Variants in RABEP1 observed in about 807,000 individuals in gnomAD.
RABEP1 encodes the protein rabaptin, RAB GTPase binding effector protein 1.
A neutral mutation model predicts 123.4 loss-of-function variants in RABEP1; 51 were observed. The observed-to-expected ratio is 0.41, with a 90% CI of 0.33 to 0.52. The LOEUF is 0.52. RABEP1 is among the 20% of genes least tolerant of loss of function. RABEP1 has a pLI of 0.16. For synonymous variants in RABEP1, 347 were observed against 355.2 expected, an observed-to-expected ratio of 0.98 and a Z score of 0.26; for missense variants, 888 against 996.3, an observed-to-expected ratio of 0.89 and a Z score of 1.46.
Position 5,375,323 on chromosome 17 carries a change from C to T in RABEP1, c.2026-1793C>T, listed in dbSNP as rs753436797. Among the ~76,000 whole-genome samples the T allele has an allele frequency of 1.9e-4, 29 of 152,234 alleles. 1 individual carries two copies. The highest frequency in any genetic ancestry group is 1.9e-4 in the Non-Finnish European group (13 of 68,016). On this transcript the variant is annotated intron_variant, in intron 13 of 17. Coordinates refer to ENST00000537505, the MANE Select transcript of RABEP1 (RefSeq NM_004703.6). ...CTCCCACCTTTCCCCAACTTCTTAT[C>T]GTCTCAGCTCATGTTACAGGCACTC...
In RABEP1 at chr17:5,308,730, T is replaced by A; in HGVS notation, c.71T>A (p.Ile24Asn). ...CAACGGGTAGCAGAATTGGAAAAAA[T>A]TAATGCAGAATTTTTACGTGCACAA... ...LQQRVAELEK[I>N]NAEFLRAQQQ... Residue 24 changes from isoleucine (I) to asparagine (N), a missense_variant, in exon 2 of 18, where the codon ATT (isoleucine) becomes AAT (asparagine). Coordinates refer to ENST00000537505, the MANE Select transcript of RABEP1 (RefSeq NM_004703.6). 1 of 1,612,740 alleles carries A rather than the reference T, an allele frequency of 6.2e-7. No homozygotes were observed. Among genetic ancestry groups the A allele is most frequent in the Non-Finnish European group, 8.5e-7 (1 of 1,179,514 alleles).
Position 5,335,127 on chromosome 17 carries a change from C to A in RABEP1, c.368-57C>A, listed in dbSNP as rs1307375416. The A allele has an allele frequency of 4.2e-6, 6 of 1,424,848 alleles. No homozygotes were observed. The South Asian group carries it at 4.4e-5, about 11-fold the overall frequency. The allele number at this position is 1,424,848 out of a possible 1,614,324, so 88.3% of individuals were successfully genotyped here. On this transcript the variant is annotated intron_variant, in intron 3 of 17. Coordinates refer to ENST00000537505, the MANE Select transcript of RABEP1 (RefSeq NM_004703.6). ...ATATAACTTTAAAAAATTTAGTGTG[C>A]CAGGTTATTTTTTTTTCATAATGCT...
At chr17:5,366,963 C>T (rs1910049952) in intron 11 of RABEP1, among the ~76,000 whole-genome samples, 1 of 151,350 alleles carries the variant, frequency 6.6e-6, no homozygotes, top group Admixed American at 6.6e-5. Flanking sequence ...TCGGCGCATT[C>T]CTGTAATCCC....
chr17:5,298,725 A>T (rs567470257), intron 1 of RABEP1, among the ~76,000 whole-genome samples: 10 of 147,402 alleles, frequency 6.8e-5, no homozygotes, highest in African/African-American at 2.3e-4. Flanking sequence ...GCGAGATCTC[A>T]GCTCACTGTA....
chr17:5,365,984 G>A (rs1909970214), intron 11 of RABEP1, among the ~76,000 whole-genome samples: 1 of 152,136 alleles, frequency 6.6e-6, no homozygotes, highest in Non-Finnish European at 1.5e-5. Context: ...TGAAATTTTT[G>A]TATAGGGCGT....
chr17:5,299,731 C>CTTTTTTTTTTTT (rs1171650180), intron 1 of RABEP1, among the ~76,000 whole-genome samples: 13 of 96,866 alleles, frequency 1.3e-4, no homozygotes, highest in African/African-American at 1.8e-4. Flanking sequence ...TTTTCTTTTT[C>CTTTTTTTTTTTT]TTTTTTTTTT....
At chr17:5,297,529 C>A (rs1274220569) in intron 1 of RABEP1, among the ~76,000 whole-genome samples, 1 of 152,166 alleles carries the variant, frequency 6.6e-6, no homozygotes, top group South Asian at 2.1e-4. Context: ...GTGTTTGAAT[C>A]CAGCTCTGCT....
intron 12 of RABEP1, among the ~76,000 whole-genome samples, chr17:5,372,758 A>T (rs1439247594): frequency 1.5e-5 from 2 of 134,068 alleles, no homozygotes; most frequent in African/African-American, 5.5e-5. Context: ...GGAAAATATT[A>T]ATTTTTTTTT....
intron 8 of RABEP1, among the ~76,000 whole-genome samples, chr17:5,357,312 C>A (rs1385465718): frequency 6.6e-6 from 1 of 152,166 alleles, no homozygotes; most frequent in Non-Finnish European, 1.5e-5. Context: ...TAGTGGCTGA[C>A]AGAATTTCAG....
At position 5,308,802 on chromosome 17, in the gene RABEP1, A is replaced by G. The variant is rs2075206414; in HGVS notation, c.143A>G (p.Glu48Gly). The change falls in exon 2 of 18, where the codon GAG (glutamate) becomes GGG (glycine). Residue 48 changes from glutamate to glycine, a missense_variant. Glu to Gly is a moderately conservative substitution (Grantham distance 98, BLOSUM62 -2). Coordinates refer to ENST00000537505, the MANE Select transcript of RABEP1 (RefSeq NM_004703.6). ...AATCAAAAGAGAGCAAAATTTAAGG[A>G]GTTATATTTGGCTAAAGAGGGTAAG... ...EFNQKRAKFKELYLAKEEDLK... is the reference protein window; with the variant it reads ...EFNQKRAKFKGLYLAKEEDLK... 1.2e-6 allele frequency: 2 copies of G among 1,609,670 alleles called. No individual in the cohort carries two copies. The highest frequency in any genetic ancestry group is 1.7e-6 in the Non-Finnish European group (2 of 1,177,096).
chr17:5,320,576 G>C (rs2075345627), intron 2 of RABEP1, among the ~76,000 whole-genome samples: 1 of 152,174 alleles, frequency 6.6e-6, no homozygotes, highest in African/African-American at 2.4e-5. Context: ...AGCCTATTCA[G>C]AGATAGGTAA....
At chr17:5,291,955 A>G (rs1283762011) in intron 1 of RABEP1, among the ~76,000 whole-genome samples, 1 of 152,152 alleles carries the variant, frequency 6.6e-6, no homozygotes, top group Non-Finnish European at 1.5e-5. Flanking sequence ...TTTTCCTATT[A>G]CTGCCAGTTT....
intron 12 of RABEP1, among the ~76,000 whole-genome samples, 197 bp from the exon 13 acceptor site, chr17:5,373,117 C>T (rs1455274256): frequency 1.3e-5 from 2 of 152,156 alleles, no homozygotes; most frequent in Non-Finnish European, 2.9e-5. Flanking sequence ...CAGATACTTG[C>T]TTCATTGCCT....
intron 2 of RABEP1, among the ~76,000 whole-genome samples, chr17:5,323,898 G>A (rs1905705818): frequency 7.9e-6 from 1 of 126,238 alleles, no homozygotes; most frequent in African/African-American, 3.0e-5. Flanking sequence ...AACCAAAGAA[G>A]CGAAAGATCT....
chr17:5,287,966 A>G (rs1211058961), intron 1 of RABEP1, among the ~76,000 whole-genome samples: 1 of 152,096 alleles, frequency 6.6e-6, no homozygotes, highest in African/African-American at 2.4e-5. Context: ...GGGAGGTATG[A>G]ATCCAGAAAA....
At chr17:5,288,089 T>G (rs1216095926) in intron 1 of RABEP1, among the ~76,000 whole-genome samples, 1 of 152,060 alleles carries the variant, frequency 6.6e-6, no homozygotes, top group Non-Finnish European at 1.5e-5. Flanking sequence ...CAAGGATTAC[T>G]CAAAGGTGTT....
intron 7 of RABEP1, among the ~76,000 whole-genome samples, chr17:5,353,982 C>G (rs1004794790): frequency 2.0e-5 from 3 of 152,156 alleles, no homozygotes; most frequent in Non-Finnish European, 4.4e-5. Flanking sequence ...AAGACCTTGT[C>G]TCAAAAACAA....
At chr17:5,378,348 C>A (rs749782912) in intron 15 of RABEP1, 116 bp downstream of exon 15, 12 of 1,030,808 alleles carry the variant, frequency 1.2e-5, no homozygotes, top group Non-Finnish European at 1.8e-5. Context: ...CCTTAAGGAA[C>A]TTTTGTCTTG....
chr17:5,285,289 CTTTTTTTCT>C (rs892775616), intron 1 of RABEP1, among the ~76,000 whole-genome samples: 11 of 149,062 alleles, frequency 7.4e-5, no homozygotes, highest in African/African-American at 2.5e-4. Context: ...TTTTACTTCA[CTTTTTTTCT>C]TTTTTTTTTT....
Sources: gnomAD v4.1 joint callset for allele counts (sites outside exome capture counted in the v4.1 genomes callset) on GRCh38, gnomAD v4.1.1 for gene constraint, MANE v1.5 for transcripts, NCBI Gene and HGNC (gene_info 2026-07-23, HGNC 2026-07-21) for gene names.